Variants in CSMD1 observed in about 807,000 individuals in gnomAD.
The protein encoded by CSMD1 is CUB and Sushi multiple domains 1, also known as CUB and sushi domain-containing protein 1.
A neutral mutation model predicts 417.5 loss-of-function variants in CSMD1; 213 were observed. That is an observed-to-expected ratio of 0.51 (90% CI 0.46 to 0.57). The LOEUF is 0.57. CSMD1 is among the 20% of genes least tolerant of loss of function. The probability of loss-of-function intolerance (pLI) is 0.00; values close to 1 mark genes in which losing one functional copy is unlikely to be tolerated. For missense variants in CSMD1, 6,923 were observed against 4,529.7 expected, an observed-to-expected ratio of 1.53 and a Z score of -15.17; for synonymous variants, 2,862 against 1,736.8, an observed-to-expected ratio of 1.65 and a Z score of -16.11.
Position 3,108,587 on chromosome 8 carries a change from G to A in CSMD1, c.6754+16C>T. ...GGAATTCTCAGTCTTAACTAACGGA[G>A]TGAAAATCAACTGACCGTGGAAATT... is the stretch of plus-strand genomic sequence containing the variant. On this transcript the variant is annotated intron_variant, in intron 44 of 69. Coordinates refer to ENST00000635120, the MANE Select transcript of CSMD1 (RefSeq NM_033225.6). 1 of 1,612,978 alleles carries A rather than the reference G, an allele frequency of 6.2e-7. No homozygotes were observed. The highest frequency in any genetic ancestry group is 8.5e-7 in the Non-Finnish European group (1 of 1,179,332).
At chr8:4,780,951 G>A (rs1323871151) in intron 1 of CSMD1, among the ~76,000 whole-genome samples, 2 of 152,132 alleles carry the variant, frequency 1.3e-5, no homozygotes, top group African/African-American at 2.4e-5. Flanking sequence ...TAAGGCTCAA[G>A]CAATGACCTG....
intron 5 of CSMD1, among the ~76,000 whole-genome samples, chr8:3,940,623 T>G (rs1316312464): frequency 6.6e-6 from 1 of 151,620 alleles, no homozygotes; most frequent in Non-Finnish European, 1.5e-5. Context: ...ACACTGCCAA[T>G]CAATATGTAA....
intron 1 of CSMD1, among the ~76,000 whole-genome samples, chr8:4,920,840 A>G (rs5017828): frequency 1 from 124,151 of 124,366 alleles, 61,968 homozygotes; most frequent in Middle Eastern, 1. Context: ...GAAAAAGAGA[A>G]CGAAAGAAAA....
chr8:4,276,192 T>C (rs1011560744), intron 3 of CSMD1, among the ~76,000 whole-genome samples: 1 of 152,136 alleles, frequency 6.6e-6, no homozygotes, highest in African/African-American at 2.4e-5. Flanking sequence ...TGCAGCACTG[T>C]TCACAATAGC....
intron 3 of CSMD1, among the ~76,000 whole-genome samples, chr8:4,185,267 G>C (rs1000263673): frequency 6.6e-6 from 1 of 151,706 alleles, no homozygotes; most frequent in Non-Finnish European, 1.5e-5. Context: ...CTTGCAATTC[G>C]TCATGATCTT....
chr8:3,230,206 A>C lies in CSMD1; in HGVS notation c.4179T>G (p.Asp1393Glu), dbSNP rs1563164623. 6.2e-7 allele frequency: 1 copy of C among 1,606,530 alleles called. No individual in the cohort carries two copies. Among genetic ancestry groups the C allele is most frequent in the Admixed American group, 1.7e-5 (1 of 58,748 alleles). ...GGGTGCCATTTTGGGGCATACCTGGATCGTTACAGGTGGCTGCAATTGAGG... is the reference window on the plus strand; with the variant it reads ...GGGTGCCATTTTGGGGCATACCTGGCTCGTTACAGGTGGCTGCAATTGAGG... ...FSTSIAATCN[D>E]PGMPQNGTRY... Residue 1393 changes from aspartate (D) to glutamate (E), a missense_variant, in exon 27 of 70, where the codon GAT becomes GAG. By Grantham distance (45) the Asp-to-Glu change is conservative. Transcript: ENST00000635120.
chr8:3,544,685 G>A (rs1359841344), intron 10 of CSMD1, among the ~76,000 whole-genome samples: 1 of 152,160 alleles, frequency 6.6e-6, no homozygotes, highest in Non-Finnish European at 1.5e-5. Context: ...GAGCTATTCA[G>A]TGGGCAGGAG....
At position 4,865,821 on chromosome 8, in the gene CSMD1, A is replaced by T. The variant is rs140559308; in HGVS notation, c.85+128511T>A. On this transcript the variant is annotated intron_variant, in intron 1 of 69. Transcript: ENST00000635120. Reference sequence around the variant, plus strand: ...GTTTTTTAAAAGGTCCTCCTTTAAAAATTAATCTTCTTTCTTATGCATTTT... The same window carrying T: ...GTTTTTTAAAAGGTCCTCCTTTAAATATTAATCTTCTTTCTTATGCATTTT... Among the ~76,000 whole-genome samples the T allele has an allele frequency of 9.7e-3, 1,481 of 151,990 alleles. 26 individuals carry two copies. Among genetic ancestry groups the T allele is most frequent in the African/African-American group, 0.027 (1,133 of 41,448 alleles).
At position 2,938,371 on chromosome 8, in the gene CSMD1, C is replaced by G; in HGVS notation, c.*214G>C. 2.1e-6 allele frequency: 1 copy of G among 477,732 alleles called. No individual in the cohort carries two copies. Among genetic ancestry groups the G allele is most frequent in the Non-Finnish European group, 3.6e-6 (1 of 274,368 alleles). 29.6% of individuals were successfully genotyped at this position (477,732 alleles called of 1,614,324 possible). A position where few individuals can be genotyped will look rare whatever the true frequency, so the allele number is the denominator to read the frequency against. On this transcript the variant is annotated 3_prime_UTR_variant, in exon 70 of 70. Coordinates refer to ENST00000635120, the MANE Select transcript of CSMD1 (RefSeq NM_033225.6). ...ACAGATGCAGCCAGGCATTTAGAAC[C>G]CACTTTTGGAATGAAAACGCATGTG...
chr8:3,586,444 CAA>C (rs1203684239), intron 8 of CSMD1, among the ~76,000 whole-genome samples, 184 bp from the exon 9 acceptor site: 1 of 152,074 alleles, frequency 6.6e-6, no homozygotes, highest in Non-Finnish European at 1.5e-5. Flanking sequence ...GTTATAAAAT[CAA>C]AAGACTTGGG....
chr8:3,523,098 T>C (rs1231234165), intron 10 of CSMD1, among the ~76,000 whole-genome samples: 1 of 151,616 alleles, frequency 6.6e-6, no homozygotes, highest in East Asian at 2.0e-4. Flanking sequence ...ACATCCAATA[T>C]TATAGTTACA....
intron 7 of CSMD1, among the ~76,000 whole-genome samples, chr8:3,631,321 G>A (rs1400611662): frequency 1.3e-5 from 2 of 152,166 alleles, no homozygotes; most frequent in East Asian, 1.9e-4. Context: ...CTGGTTTATT[G>A]TTCTCATTCT....
intron 3 of CSMD1, among the ~76,000 whole-genome samples, chr8:4,278,090 A>G (rs1407147919): frequency 1.3e-5 from 2 of 152,180 alleles, no homozygotes; most frequent in African/African-American, 2.4e-5. Flanking sequence ...TGCTACATTT[A>G]TAAAATCCTT....
At chr8:3,825,402 A>C (rs1801997475) in intron 5 of CSMD1, among the ~76,000 whole-genome samples, 1 of 152,076 alleles carries the variant, frequency 6.6e-6, no homozygotes, top group African/African-American at 2.4e-5. Context: ...GGTGGTAGGC[A>C]CCTGTAATCC....
At chr8:3,425,452 G>A (rs1165605306) in intron 12 of CSMD1, among the ~76,000 whole-genome samples, 1 of 152,014 alleles carries the variant, frequency 6.6e-6, no homozygotes, top group Non-Finnish European at 1.5e-5. Context: ...GCTGGGCGTG[G>A]TGGCACCTGC....
chr8:3,457,068 T>C (rs1393514797), intron 12 of CSMD1, among the ~76,000 whole-genome samples: 1 of 151,000 alleles, frequency 6.6e-6, no homozygotes, highest in Admixed American at 6.6e-5. Flanking sequence ...CTCACCTGTA[T>C]CCCTCATTCT....
chr8:3,677,338 A>G (rs559643531), intron 7 of CSMD1, among the ~76,000 whole-genome samples: 2 of 152,312 alleles, frequency 1.3e-5, no homozygotes, highest in South Asian at 4.1e-4. Context: ...TATACCTTTT[A>G]AAAGTAATTC....
intron 5 of CSMD1, among the ~76,000 whole-genome samples, chr8:3,809,892 C>T (rs1705047192): frequency 2.0e-5 from 3 of 152,122 alleles, no homozygotes; most frequent in Admixed American, 2.0e-4. Flanking sequence ...GTACCTTTGC[C>T]TTTCTCCCAT....
intron 28 of CSMD1, among the ~76,000 whole-genome samples, chr8:3,220,101 C>G (rs888053918): frequency 3.4e-5 from 5 of 146,464 alleles, no homozygotes; most frequent in African/African-American, 1.3e-4. Flanking sequence ...GCTATGACCA[C>G]ACCACTGCAC....
Sources: allele counts gnomAD v4.1 joint callset (sites outside exome capture counted in the v4.1 genomes callset), GRCh38; gene constraint gnomAD v4.1.1; transcripts MANE v1.5; gene names NCBI Gene and HGNC (gene_info 2026-07-23, HGNC 2026-07-21).